The following ACTR3C variants were observed in gnomAD, a reference collection of about 807,000 sequenced individuals.
The protein encoded by ACTR3C is actin related protein 3C.
In ACTR3C, 18 loss-of-function variants were observed where a neutral mutation model predicts 26.3. The observed-to-expected ratio is 0.68, with a 90% CI of 0.47 to 1.01. The LOEUF is 1.01. ACTR3C is among the 50% of genes least tolerant of loss of function. The probability of loss-of-function intolerance (pLI) is 0.00; values close to 1 mark genes in which losing one functional copy is unlikely to be tolerated. For synonymous variants in ACTR3C, 55 were observed against 94.5 expected (o/e 0.58, Z 2.42); for missense variants, 184 against 250.7 (o/e 0.73, Z 1.80).
At chr7:150,138,044 C>T in the ACTR3C span, among the ~76,000 whole-genome samples, 1 of 152,044 alleles carries the variant, frequency 6.6e-6, no homozygotes, top group Non-Finnish European at 1.5e-5. Context: ...GGCTTCTTGA[C>T]AGGTTTACTT....
the ACTR3C span, among the ~76,000 whole-genome samples, chr7:150,181,399 A>T: frequency 6.6e-6 from 1 of 150,810 alleles, no homozygotes; most frequent in African/African-American, 2.5e-5. Context: ...GCCGGGCAAC[A>T]TAGCTAGAGC....
At chr7:149,919,328 C>A in the ACTR3C span, among the ~76,000 whole-genome samples, 4 of 151,652 alleles carry the variant, frequency 2.6e-5, no homozygotes, top group South Asian at 4.2e-4. Context: ...GCAACTGCCA[C>A]CTCCCGGGTT....
At chr7:150,047,191 G>C in the ACTR3C span, among the ~76,000 whole-genome samples, 2 of 151,694 alleles carry the variant, frequency 1.3e-5, no homozygotes, top group South Asian at 4.2e-4. Context: ...GGGAGGGAGA[G>C]AAGGTGCCTG....
At chr7:149,966,854 CT>C in the ACTR3C span, among the ~76,000 whole-genome samples, 6 of 147,896 alleles carry the variant, frequency 4.1e-5, no homozygotes, top group African/African-American at 1.6e-4. Context: ...TTTCTTTTTT[CT>C]TTCCTTTTTT....
chr7:150,158,929 G>C, the ACTR3C span, among the ~76,000 whole-genome samples: 2 of 143,960 alleles, frequency 1.4e-5, no homozygotes, highest in South Asian at 2.2e-4. Context: ...GCACACACAT[G>C]TGCGCAGACA....
chr7:150,222,974 G>T, the ACTR3C span, among the ~76,000 whole-genome samples: 1 of 152,122 alleles, frequency 6.6e-6, no homozygotes, highest in Non-Finnish European at 1.5e-5. Context: ...TAAAAAAATT[G>T]TGGTATAATG....
At chr7:149,918,892 T>C in the ACTR3C span, among the ~76,000 whole-genome samples, 13 of 152,246 alleles carry the variant, frequency 8.5e-5, no homozygotes, top group East Asian at 7.7e-4. Context: ...CTCTGGAACT[T>C]GTTGGTGCCC....
intron 6 of ACTR3C, among the ~76,000 whole-genome samples, chr7:150,275,766 A>G (rs71537925): frequency 0.044 from 6,659 of 152,204 alleles, 196 homozygotes; most frequent in Non-Finnish European, 0.056. Context: ...TCTCCTTTGT[A>G]AAAGTGTTTT....
the ACTR3C span, among the ~76,000 whole-genome samples, chr7:149,932,631 T>A: frequency 1.3e-5 from 2 of 148,716 alleles, no homozygotes; most frequent in Non-Finnish European, 3.0e-5. Context: ...TGAAAAATCA[T>A]GGAAATGAGA....
chr7:150,041,543 C>T, the ACTR3C span: 16,686 of 206,836 alleles, frequency 0.081, 617 homozygotes, highest in South Asian at 0.19. Flanking sequence ...GTCCCCGCCT[C>T]GCGGGGGGTG....
At chr7:149,993,441 A>C in the ACTR3C span, among the ~76,000 whole-genome samples, 170 of 152,156 alleles carry the variant, frequency 1.1e-3, 1 homozygote, top group Non-Finnish European at 2.0e-3. Flanking sequence ...AGGACCACCA[A>C]CATCTAAATT....
chr7:150,228,873 A>AAT, the ACTR3C span, among the ~76,000 whole-genome samples: 1 of 143,572 alleles, frequency 7.0e-6, no homozygotes, highest in Non-Finnish European at 1.5e-5. Context: ...TAACAATACA[A>AAT]ATATATATAT....
the ACTR3C span, among the ~76,000 whole-genome samples, chr7:150,037,498 T>G: frequency 0.034 from 405 of 11,940 alleles, no homozygotes; most frequent in African/African-American, 0.046. Flanking sequence ...CAGCCGGGGG[T>G]GGAAGAGGGG....
chr7:150,265,850 G>T (rs1190778224), intron 6 of ACTR3C, among the ~76,000 whole-genome samples: 2 of 152,170 alleles, frequency 1.3e-5, no homozygotes, highest in East Asian at 3.9e-4. Flanking sequence ...CACACATCTA[G>T]GAGCGGGGAG....
chr7:149,936,991 T>C, the ACTR3C span, among the ~76,000 whole-genome samples: 1 of 151,970 alleles, frequency 6.6e-6, no homozygotes, highest in Non-Finnish European at 1.5e-5. Flanking sequence ...GATCTCCCTA[T>C]GTTGCCCAGG....
intron 6 of ACTR3C, among the ~76,000 whole-genome samples, chr7:150,251,044 A>G (rs1344356642): frequency 2.6e-5 from 4 of 152,122 alleles, no homozygotes; most frequent in African/African-American, 9.7e-5. Context: ...GGGCCTCTCT[A>G]TTTTTTGCTG....
intron 1 of ACTR3C, among the ~76,000 whole-genome samples, chr7:150,320,240 A>G (rs1166564775): frequency 6.6e-6 from 1 of 152,260 alleles, no homozygotes; most frequent in African/African-American, 2.4e-5. Flanking sequence ...TTAGAAACTA[A>G]TCTATTAGAG....
chr7:150,036,043 GA>G, the ACTR3C span, among the ~76,000 whole-genome samples: 1 of 125,112 alleles, frequency 8.0e-6, no homozygotes, highest in Non-Finnish European at 1.8e-5. Context: ...AAGGTGGGAA[GA>G]GGGGCTCGCT....
chr7:150,187,170 A>G, the ACTR3C span, among the ~76,000 whole-genome samples: 9 of 151,476 alleles, frequency 5.9e-5, no homozygotes, highest in African/African-American at 2.2e-4. Flanking sequence ...CATTGTTTCC[A>G]TAAACACACC....
Sources: gnomAD v4.1 joint callset for allele counts (sites outside exome capture counted in the v4.1 genomes callset) on GRCh38, gnomAD v4.1.1 for gene constraint, MANE v1.5 for transcripts, NCBI Gene and HGNC (gene_info 2026-07-23, HGNC 2026-07-21) for gene names.